CPS1: variants seen among roughly 807,000 people sequenced by gnomAD.
The protein encoded by CPS1 is carbamoyl-phosphate synthase [ammonia], mitochondrial.
In CPS1, 109 loss-of-function variants were observed where a neutral mutation model predicts 174.6. The observed-to-expected ratio is 0.62, with a 90% CI of 0.53 to 0.73. CPS1 has a LOEUF of 0.73. Among genes scored for constraint, CPS1 ranks in the 30% least tolerant of loss-of-function variants. The pLI, the probability that CPS1 is intolerant of heterozygous loss-of-function variation, is 0.00. For synonymous variants in CPS1, 637 were observed against 632.0 expected (o/e 1.01, Z -0.12); for missense variants, 1,689 against 1,821.9 (o/e 0.93, Z 1.33).
rs544014585 is a variant in CPS1 at position 210,505,896 on chromosome 2, G to A, written c.3+28130G>A. 4.7e-3 allele frequency among the ~76,000 whole-genome samples: 721 copies of A among 152,298 alleles called. 2 individuals carry two copies. Among genetic ancestry groups the A allele is most frequent in the African/African-American group, 0.016 (657 of 41,586 alleles). ...ATGTAAAAAAAGCACAGGGAAGCTC[G>A]AACTGGGTGGAGCCCACCGCAGCTC... is the stretch of plus-strand genomic sequence containing the variant. On this transcript the variant is annotated intron_variant, in intron 1 of 38. Transcript: ENST00000430249.
At chr2:210,575,492 T>C (rs1697665637) in intron 2 of CPS1, among the ~76,000 whole-genome samples, 1 of 145,916 alleles carries the variant, frequency 6.9e-6, no homozygotes, top group African/African-American at 2.6e-5. Context: ...TGTGTGTGTG[T>C]ATATACACAC....
intron 1 of CPS1, among the ~76,000 whole-genome samples, chr2:210,559,752 T>A (rs2106043466): frequency 6.6e-6 from 1 of 152,272 alleles, no homozygotes; most frequent in Non-Finnish European, 1.5e-5. Flanking sequence ...TAATGCCCTG[T>A]TCTTGGACAA....
intron 13 of CPS1, among the ~76,000 whole-genome samples, chr2:210,598,540 GAA>G (rs35523666): frequency 6.7e-6 from 1 of 149,528 alleles, no homozygotes; most frequent in Non-Finnish European, 1.5e-5. Flanking sequence ...ATGGAAAACA[GAA>G]AAAAAAAGGG....
chr2:210,557,356 T>C (rs989493196), intron 1 of CPS1, among the ~76,000 whole-genome samples: 2 of 152,132 alleles, frequency 1.3e-5, no homozygotes, highest in African/African-American at 4.8e-5. Context: ...GGTCATCATG[T>C]AGACACTGCT....
At chr2:210,523,493 C>T (rs1479030365) in intron 1 of CPS1, among the ~76,000 whole-genome samples, 4 of 151,998 alleles carry the variant, frequency 2.6e-5, no homozygotes, top group African/African-American at 4.8e-5. Flanking sequence ...TCACCTCCTT[C>T]CTACCCTCCC....
At chr2:210,595,785 TGAG>T (rs1698463578) in intron 13 of CPS1, among the ~76,000 whole-genome samples, 2 of 151,978 alleles carry the variant, frequency 1.3e-5, no homozygotes, top group Admixed American at 6.6e-5. Flanking sequence ...ATCTGTAAAT[TGAG>T]GAGGTTAATC....
intron 33 of CPS1, among the ~76,000 whole-genome samples, chr2:210,667,100 G>A (rs551107598): frequency 3.5e-4 from 54 of 152,234 alleles, no homozygotes; most frequent in East Asian, 5.8e-4. Context: ...TTGTGAATGG[G>A]AGTTCCCTCA....
rs1192438418 is a variant in CPS1, at chr2:210,640,020, C to G, written c.2920C>G (p.His974Asp). The G allele has an allele frequency of 6.2e-7, 1 of 1,611,136 alleles. No individual in the cohort carries two copies. Among genetic ancestry groups the G allele is most frequent in the Admixed American group, 1.7e-5 (1 of 59,972 alleles). Residue 974 changes from histidine (H) to aspartate (D), a missense_variant, in exon 24 of 38, where the codon CAT (histidine) becomes GAT (aspartate). Physicochemically the swap from His to Asp is moderately conservative, Grantham distance 81. Coordinates refer to ENST00000233072, the MANE Select transcript of CPS1 (RefSeq NM_001875.5). Reference protein sequence around the residue: ...GQEHDVNFDDHGMMVLGCGPY... With the variant: ...GQEHDVNFDDDGMMVLGCGPY... The stretch of plus-strand genomic sequence containing the variant: ...GGAGCATGATGTCAATTTTGATGAC[C>G]ATGGAATGATGGTGCTAGGCTGTGG...
intron 22 of CPS1, among the ~76,000 whole-genome samples, chr2:210,638,270 TTTATA>T (rs1204694761): frequency 1.3e-5 from 2 of 152,348 alleles, no homozygotes; most frequent in South Asian, 4.1e-4. Flanking sequence ...AGGGTAATAC[TTTATA>T]TTAAGTGCCC....
At chr2:210,491,299 G>A (rs1478198029) in intron 1 of CPS1, among the ~76,000 whole-genome samples, 1 of 113,250 alleles carries the variant, frequency 8.8e-6, no homozygotes, top group Non-Finnish European at 1.8e-5. Flanking sequence ...CATGTATTTG[G>A]TATCTGTGTT....
intron 1 of CPS1, among the ~76,000 whole-genome samples, chr2:210,518,687 A>G (rs1236445107): frequency 6.6e-6 from 1 of 152,050 alleles, no homozygotes; most frequent in African/African-American, 2.4e-5. Flanking sequence ...GTGGGAGAGA[A>G]CTAAGTTTCT....
intron 1 of CPS1, among the ~76,000 whole-genome samples, chr2:210,559,810 G>C (rs1380482111): frequency 2.6e-5 from 4 of 152,110 alleles, no homozygotes; most frequent in African/African-American, 9.7e-5. Context: ...TAGTGCAAAT[G>C]ATGACTGATT....
At chr2:210,586,477 G>T (rs1482954187) in intron 6 of CPS1, among the ~76,000 whole-genome samples, 1 of 151,978 alleles carries the variant, frequency 6.6e-6, no homozygotes, top group Non-Finnish European at 1.5e-5. Flanking sequence ...CTGCCTTGGT[G>T]GTTTAGTCTA....
intron 21 of CPS1, among the ~76,000 whole-genome samples, chr2:210,632,533 C>G (rs1410146123): frequency 6.6e-6 from 1 of 152,032 alleles, no homozygotes; most frequent in Non-Finnish European, 1.5e-5. Flanking sequence ...TGGTGTTACA[C>G]CAAAGAGAGA....
chr2:210,561,111 T>G (rs1216632688), intron 1 of CPS1, among the ~76,000 whole-genome samples: 25 of 152,166 alleles, frequency 1.6e-4, no homozygotes, highest in Non-Finnish European at 2.9e-5. Flanking sequence ...AAAATATAGA[T>G]TCATTTATTA....
chr2:210,555,755 A>G, upstream of CPS1: 1 of 431,052 alleles, frequency 2.3e-6, no homozygotes, highest in Non-Finnish European at 4.7e-6. Flanking sequence ...CTTAAGCAAG[A>G]GCATCTGCCA....
In CPS1 at chr2:210,512,763, T is replaced by TGGAGAGAGAG. The variant is rs1185392374; in HGVS notation, c.3+34997_3+34998insGGAGAGAGAG. Among the ~76,000 whole-genome samples the TGGAGAGAGAG allele has an allele frequency of 1.8e-5, 2 of 111,162 alleles. 1 individual carries two copies. The highest frequency in any genetic ancestry group is 7.9e-5 in the African/African-American group (2 of 25,428). 72.9% of individuals were successfully genotyped at this position (111,162 alleles called of 152,430 possible). ...ATATATATATATATATATATATATA[T>TGGAGAGAGAG]ATATATATATATATATATATATGGA... On this transcript the variant is annotated intron_variant, in intron 1 of 38. Coordinates refer to the CPS1 transcript ENST00000430249.
At chr2:210,605,073 C>T in intron 16 of CPS1, 29 bp from the exon 17 acceptor site, 2 of 1,610,802 alleles carry the variant, frequency 1.2e-6, no homozygotes, top group Non-Finnish European at 1.7e-6. Flanking sequence ...TTTTCTTACT[C>T]TTTGATATCT....
At chr2:210,662,937 T>G (rs773666421) in intron 32 of CPS1, among the ~76,000 whole-genome samples, 186 bp from the exon 33 acceptor site, 8 of 152,214 alleles carry the variant, frequency 5.3e-5, no homozygotes, top group Non-Finnish European at 7.3e-5. Flanking sequence ...GCTCAAGAAA[T>G]TCTTGGAATG....
Sources: allele counts gnomAD v4.1 joint callset (sites outside exome capture counted in the v4.1 genomes callset), GRCh38; gene constraint gnomAD v4.1.1; transcripts MANE v1.5; gene names NCBI Gene and HGNC (gene_info 2026-07-23, HGNC 2026-07-21).